NEBL: variants seen among roughly 807,000 people sequenced by gnomAD.
NEBL encodes nebulette.
A neutral mutation model predicts 140.2 loss-of-function variants in NEBL; 122 were observed. That is an observed-to-expected ratio of 0.87 (90% CI 0.75 to 1.01). NEBL has a LOEUF of 1.01. Among genes scored for constraint, NEBL ranks in the 50% least tolerant of loss-of-function variants. The probability of loss-of-function intolerance (pLI) is 0.00; values close to 1 mark genes in which losing one functional copy is unlikely to be tolerated. For synonymous variants in NEBL, 436 were observed against 398.9 expected, an observed-to-expected ratio of 1.09 and a Z score of -1.11; for missense variants, 1,365 against 1,231.3, an observed-to-expected ratio of 1.11 and a Z score of -1.62.
intron 4 of NEBL, among the ~76,000 whole-genome samples, chr10:20,939,024 A>C: frequency 6.6e-6 from 1 of 152,230 alleles, no homozygotes; most frequent in Admixed American, 6.5e-5. Context: ...GCAGGATATT[A>C]TCCAGGAGAA....
At chr10:21,176,426 T>C (rs988047728), upstream of NEBL, among the ~76,000 whole-genome samples, 1 of 152,232 alleles carries the variant, frequency 6.6e-6, no homozygotes, top group African/African-American at 2.4e-5. Context: ...AAGCGATACA[T>C]GCTCAGAGTT....
chr10:20,882,998 C>G (rs569971139), intron 4 of NEBL, among the ~76,000 whole-genome samples: 3 of 152,232 alleles, frequency 2.0e-5, no homozygotes, highest in Non-Finnish European at 4.4e-5. Context: ...CCGTCACTGA[C>G]TTCTGTTCCT....
chr10:21,028,873 A>G (rs1256063300), intron 2 of NEBL: 3 of 353,556 alleles, frequency 8.5e-6, no homozygotes, highest in Non-Finnish European at 1.5e-5. Flanking sequence ...ATAAAAATGT[A>G]AATAGGCAAT....
upstream of NEBL, chr10:20,899,293 T>C (rs1470230923): frequency 2.5e-6 from 2 of 799,004 alleles, no homozygotes; most frequent in Non-Finnish European, 3.6e-6. Flanking sequence ...TTGCCAAAAC[T>C]GCCTGAGACA....
intron 1 of NEBL, among the ~76,000 whole-genome samples, chr10:21,288,345 GTA>G: frequency 6.6e-6 from 1 of 152,158 alleles, no homozygotes; most frequent in Non-Finnish European, 1.5e-5. Context: ...CCAGGCATCT[GTA>G]GTCCCAGCTA....
intron 2 of NEBL, among the ~76,000 whole-genome samples, chr10:21,039,697 A>G (rs1189871554): frequency 6.6e-6 from 1 of 152,246 alleles, no homozygotes; most frequent in African/African-American, 2.4e-5. Context: ...AGCTCAGTAC[A>G]TGCCCAGATG....
At chr10:21,031,212 A>G (rs1163602034) in intron 2 of NEBL, among the ~76,000 whole-genome samples, 12 of 152,196 alleles carry the variant, frequency 7.9e-5, no homozygotes, top group Non-Finnish European at 1.6e-4. Flanking sequence ...AGGAGGAGAG[A>G]GAGAGAAAGA....
intron 4 of NEBL, among the ~76,000 whole-genome samples, chr10:20,952,253 A>G (rs1245863070): frequency 1.3e-5 from 2 of 152,108 alleles, no homozygotes; most frequent in Admixed American, 6.6e-5. Context: ...CCTGGCCAAC[A>G]CGGTAAAACC....
In NEBL at chr10:20,798,367, G is replaced by C. The variant is rs759728796; in HGVS notation, c.2761+10143C>G. Among the ~76,000 whole-genome samples, 16 of 152,246 alleles carry C rather than the reference G, an allele frequency of 1.1e-4. No homozygotes were observed. In the Middle Eastern group the frequency reaches 0.014, roughly 129 times the overall value. On this transcript the variant is annotated intron_variant, in intron 26 of 27. Coordinates refer to ENST00000377122, the MANE Select transcript of NEBL (RefSeq NM_006393.3). ...ACCTACACGCCTAGGGCTTAATGTG[G>C]GGCACCTGGCTGAAATGGAAAGTGG...
At chr10:20,789,911 ATATATATATGTGTGTGTATATGTG>A (rs1442871047) in intron 26 of NEBL, among the ~76,000 whole-genome samples, 1 of 148,486 alleles carries the variant, frequency 6.7e-6, no homozygotes, top group Non-Finnish European at 1.5e-5. Context: ...AGATATATGT[ATATATATATGTGTGTGTATATGTG>A]TATATATATA....
intron 2 of NEBL, among the ~76,000 whole-genome samples, chr10:21,082,535 T>TAAAAAAAAAAAAAAAAAAAAAAAAA (rs61234594): frequency 4.3e-5 from 5 of 117,292 alleles, no homozygotes; most frequent in African/African-American, 2.0e-4. Context: ...CCACCACCAC[T>TAAAAAAAAAAAAAAAAAAAAAAAAA]AAAAAAAAAA....
chr10:21,179,887 C>A (rs1287372878), upstream of NEBL, among the ~76,000 whole-genome samples: 1 of 152,126 alleles, frequency 6.6e-6, no homozygotes, highest in East Asian at 1.9e-4. Flanking sequence ...CCTGTAATTG[C>A]AGCACTTTGG....
chr10:21,281,477 T>A (rs112016876), intron 1 of NEBL, among the ~76,000 whole-genome samples: 7,475 of 113,552 alleles, frequency 0.066, 226 homozygotes, highest in Admixed American at 0.1. Flanking sequence ...TCTTTCCTTT[T>A]CTTTCTTTCT....
At chr10:21,283,456 TTACTC>T (rs966145234) in intron 1 of NEBL, among the ~76,000 whole-genome samples, 10 of 152,146 alleles carry the variant, frequency 6.6e-5, no homozygotes, top group Admixed American at 2.0e-4. Context: ...TGCTTTCACT[TTACTC>T]TACAGACTCC....
Position 21,283,740 on chromosome 10 carries a change from T to G in NEBL, n.182+9090A>C, listed in dbSNP as rs549022494. ...TGGGATAGGTAAAGACTACAAAATT[T>G]CAGCTTCTCCTTAAGAAAATCTTTT... On this transcript the variant is annotated intron_variant and non_coding_transcript_variant, in intron 1 of 8. Coordinates refer to the NEBL transcript ENST00000675702. Among the ~76,000 whole-genome samples the G allele has an allele frequency of 9.2e-5, 14 of 152,296 alleles. No individual in the cohort carries two copies. The East Asian group carries it at 1.9e-3, about 21-fold the overall frequency.
At chr10:21,260,625 T>C (rs1163907180) in intron 1 of NEBL, among the ~76,000 whole-genome samples, 1 of 152,142 alleles carries the variant, frequency 6.6e-6, no homozygotes, top group African/African-American at 2.4e-5. Flanking sequence ...CCTTTCCAAG[T>C]ATTCCGTTAA....
At chr10:20,993,230 C>T (rs577220570) in intron 3 of NEBL, among the ~76,000 whole-genome samples, 1 of 152,172 alleles carries the variant, frequency 6.6e-6, no homozygotes, top group South Asian at 2.1e-4. Flanking sequence ...TATATTCATG[C>T]AACCTCTGGT....
intron 3 of NEBL, among the ~76,000 whole-genome samples, chr10:21,241,366 G>A (rs945760694): frequency 1.3e-5 from 2 of 151,888 alleles, no homozygotes; most frequent in Non-Finnish European, 2.9e-5. Flanking sequence ...GAGCTTGTTC[G>A]GCCCCCTGGG....
At chr10:20,806,427 G>A (rs1047557069) in intron 26 of NEBL, among the ~76,000 whole-genome samples, 5 of 152,094 alleles carry the variant, frequency 3.3e-5, no homozygotes, top group East Asian at 3.8e-4. Context: ...CAATGCATGC[G>A]TCTGTCCTAT....
Sources: allele counts gnomAD v4.1 joint callset (sites outside exome capture counted in the v4.1 genomes callset), GRCh38; gene constraint gnomAD v4.1.1; transcripts MANE v1.5; gene names NCBI Gene and HGNC (gene_info 2026-07-23, HGNC 2026-07-21).